The following PPP1R21 variants were observed in gnomAD, a reference collection of about 807,000 sequenced individuals.
The protein encoded by PPP1R21 is KLRAQ motif containing 1.
In PPP1R21, 85 loss-of-function variants were observed where a neutral mutation model predicts 112.8. The ratio of observed to expected loss-of-function variants is 0.75; its 90% CI spans 0.63 to 0.90. The LOEUF (loss-of-function observed/expected upper bound fraction) is 0.90. Among genes scored for constraint, PPP1R21 ranks in the 40% least tolerant of loss-of-function variants. The pLI is 0.00. For missense variants in PPP1R21, 1,199 were observed against 901.5 expected, an observed-to-expected ratio of 1.33 and a Z score of -4.23; for synonymous variants, 381 against 322.3, an observed-to-expected ratio of 1.18 and a Z score of -1.95.
At chr2:48,441,753 G>A (rs150532580) in intron 1 of PPP1R21, among the ~76,000 whole-genome samples, 9 of 152,294 alleles carry the variant, frequency 5.9e-5, no homozygotes, top group African/African-American at 2.2e-4. Flanking sequence ...CAGTTTCTGG[G>A]TAGGGTGTTT....
At chr2:48,487,348 G>C (rs1669347607) in intron 14 of PPP1R21, among the ~76,000 whole-genome samples, 1 of 152,056 alleles carries the variant, frequency 6.6e-6, no homozygotes, top group Non-Finnish European at 1.5e-5. Context: ...ATCTAAACAA[G>C]TACTTTGAAG....
chr2:48,507,852 G>T (rs1468156750), intron 19 of PPP1R21, among the ~76,000 whole-genome samples: 3 of 126,394 alleles, frequency 2.4e-5, no homozygotes, highest in South Asian at 5.6e-4. Context: ...TACAACCTCC[G>T]CCTCCTGGGT....
At position 48,440,876 on chromosome 2, in the gene PPP1R21, G is replaced by A. The variant is rs1666987875; in HGVS notation, c.-78G>A. On this transcript the variant is annotated 5_prime_UTR_variant, in exon 1 of 22. Coordinates refer to ENST00000294952, the MANE Select transcript of PPP1R21 (RefSeq NM_001135629.3). ...GGCAGATACTGCCTGACCCGTTCCC[G>A]GGAGCGTGTCTGGGTTTGGGGGCGG... is the stretch of plus-strand genomic sequence containing the variant. 6.6e-6 allele frequency: 7 copies of A among 1,068,612 alleles called. 1 individual carries two copies. The Admixed American group carries it at 1.3e-4, about 20-fold the overall frequency. The allele number at this position is 1,068,612 out of a possible 1,614,324, so 66.2% of individuals were successfully genotyped here. A position where few individuals can be genotyped will look rare whatever the true frequency, so the allele number is the denominator to read the frequency against.
rs993225497 is a variant in PPP1R21, at chr2:48,503,790, T to G, written c.1936-1774T>G. On this transcript the variant is annotated intron_variant, in intron 17 of 21. Transcript: ENST00000294952. The stretch of plus-strand genomic sequence containing the variant: ...GTGAAACCCCATCTCTACTAAAGAT[T>G]AAAAAAAAAAAAATTAGCTGGGCGT... Among the ~76,000 whole-genome samples, 13 of 143,622 alleles carry G rather than the reference T, an allele frequency of 9.1e-5. 1 individual carries two copies. Among genetic ancestry groups the G allele is most frequent in the African/African-American group, 3.3e-4 (13 of 39,152 alleles). 94.2% of individuals were successfully genotyped at this position (143,622 alleles called of 152,430 possible). A position where few individuals can be genotyped will look rare whatever the true frequency, so the allele number is the denominator to read the frequency against.
rs537944849 is a variant in PPP1R21 at position 48,454,638 on chromosome 2, A to T, written c.170A>T (p.Gln57Leu). The T allele has an allele frequency of 1.2e-6, 2 of 1,614,090 alleles. No individual in the cohort carries two copies. The highest frequency in any genetic ancestry group is 1.7e-6 in the Non-Finnish European group (2 of 1,179,882). Residue 57 changes from glutamine to leucine, a missense_variant, in exon 3 of 22, where the codon CAG becomes CTG. Coordinates refer to ENST00000294952, the MANE Select transcript of PPP1R21 (RefSeq NM_001135629.3). Reference protein sequence around the residue: ...MKDQSLRKLQQEMDSLTFRNL... With the variant: ...MKDQSLRKLQLEMDSLTFRNL... ...GATCAGTCATTGAGAAAACTACAAC[A>T]GGAAATGGACAGTTTGACATTTCGA... is the stretch of plus-strand genomic sequence containing the variant.
Position 48,440,944 on chromosome 2 carries a change from G to C in PPP1R21, c.-10G>C, listed in dbSNP as rs368832372. The stretch of plus-strand genomic sequence containing the variant: ...CTGGGCGGCCTGGCCTGTACGGGGC[G>C]GGGGAGGCCATGGCCTCGGCTGAGT... On this transcript the variant is annotated 5_prime_UTR_variant, in exon 1 of 22. Transcript: ENST00000294952. 279 of 1,604,448 alleles carry C rather than the reference G, an allele frequency of 1.7e-4. No individual in the cohort carries two copies. Among genetic ancestry groups the C allele is most frequent in the Admixed American group, 4.9e-4 (29 of 59,768 alleles).
At chr2:48,496,834 T>A (rs2103628273) in intron 16 of PPP1R21, among the ~76,000 whole-genome samples, 1 of 152,312 alleles carries the variant, frequency 6.6e-6, no homozygotes, top group Admixed American at 6.5e-5. Flanking sequence ...CAGTGCAGTC[T>A]CCATGAAAAG....
intron 9 of PPP1R21, among the ~76,000 whole-genome samples, chr2:48,469,335 C>CAT (rs201153843): frequency 1.1e-3 from 16 of 14,452 alleles, no homozygotes; most frequent in African/African-American, 7.4e-3. Context: ...ATATATAGAG[C>CAT]ATATATATAT....
chr2:48,505,694 G>A, intron 18 of PPP1R21, 98 bp downstream of exon 18: 5 of 1,078,798 alleles, frequency 4.6e-6, no homozygotes, highest in Non-Finnish European at 5.6e-6. Context: ...AATTGTTGTT[G>A]TTGTTTTTTC....
intron 21 of PPP1R21, 89 bp from the exon 22 acceptor site, chr2:48,514,626 T>G: frequency 1.1e-6 from 1 of 947,530 alleles, no homozygotes; most frequent in Non-Finnish European, 1.7e-6. Context: ...CAAAGTGAAA[T>G]ATGGCTTTCA....
Position 48,511,296 on chromosome 2 carries a change from C to T in PPP1R21, c.2185-44C>T, listed in dbSNP as rs138728927. On this transcript the variant is annotated intron_variant, in intron 20 of 21. Transcript: ENST00000294952. Reference sequence around the variant, plus strand: ...GAATTAAAAAAGCTTCAGAGTGGTACGACTCGTGGGATGTTGATTTTTGTC... The same window carrying T: ...GAATTAAAAAAGCTTCAGAGTGGTATGACTCGTGGGATGTTGATTTTTGTC... 9.5e-6 allele frequency: 15 copies of T among 1,577,556 alleles called. No individual in the cohort carries two copies. In the African/African-American group the frequency reaches 1.5e-4, roughly 16 times the overall value.
At chr2:48,442,621 C>T (rs1286217025) in intron 1 of PPP1R21, among the ~76,000 whole-genome samples, 9 of 152,122 alleles carry the variant, frequency 5.9e-5, no homozygotes, top group Admixed American at 4.6e-4. Flanking sequence ...TGATATAGTA[C>T]GACAAGTGTT....
Position 48,459,859 on chromosome 2 carries a change from C to G in PPP1R21, c.481C>G (p.Leu161Val). 1 of 1,614,192 alleles carries G rather than the reference C, an allele frequency of 6.2e-7. No homozygotes were observed. Among genetic ancestry groups the G allele is most frequent in the Non-Finnish European group, 8.5e-7 (1 of 1,180,042 alleles). ...CCAGCACCAAGCTGTGGTTGACGGT[C>G]TCACCCGGAAGTACATGGAAACCAT... ...AAQHQAVVDG[L>V]TRKYMETIEK... The change falls in exon 5 of 22, where the codon CTC (leucine) becomes GTC (valine). Residue 161 changes from leucine (L) to valine (V), a missense_variant. Transcript: ENST00000294952.
At chr2:48,488,195 A>T (rs997308103) in intron 14 of PPP1R21, among the ~76,000 whole-genome samples, 43 of 152,122 alleles carry the variant, frequency 2.8e-4, no homozygotes, top group African/African-American at 1.0e-3. Flanking sequence ...GTCAGCTTAC[A>T]GATCTATGTG....
chr2:48,471,502 T>A, intron 11 of PPP1R21, 135 bp downstream of exon 11: 1 of 850,306 alleles, frequency 1.2e-6, no homozygotes, highest in Non-Finnish European at 1.8e-6. Flanking sequence ...TGGACTTCCG[T>A]GAAAAAGGAA....
chr2:48,460,950 C>T (rs1289754778), intron 6 of PPP1R21, among the ~76,000 whole-genome samples, 188 bp from the exon 7 acceptor site: 1 of 152,098 alleles, frequency 6.6e-6, no homozygotes, highest in African/African-American at 2.4e-5. Flanking sequence ...TCCAGAAGTC[C>T]CTGGGACTTG....
chr2:48,489,331 C>T (rs567361513), intron 14 of PPP1R21, among the ~76,000 whole-genome samples: 1 of 148,544 alleles, frequency 6.7e-6, no homozygotes, highest in East Asian at 2.1e-4. Flanking sequence ...GGCAAGACCT[C>T]ATCTCTACAA....
intron 15 of PPP1R21, among the ~76,000 whole-genome samples, chr2:48,493,821 G>C (rs1176070951): frequency 1.3e-5 from 2 of 151,908 alleles, no homozygotes; most frequent in Admixed American, 1.3e-4. Flanking sequence ...ATTTTATTCT[G>C]TTCTTCATCT....
chr2:48,505,673 C>T, intron 18 of PPP1R21, 77 bp downstream of exon 18: 1 of 1,203,242 alleles, frequency 8.3e-7, no homozygotes, highest in South Asian at 1.3e-5. Flanking sequence ...CTGCAAAAGC[C>T]ATCTTTGTCT....
Sources: allele counts gnomAD v4.1 joint callset (sites outside exome capture counted in the v4.1 genomes callset), GRCh38; gene constraint gnomAD v4.1.1; transcripts MANE v1.5; gene names NCBI Gene and HGNC (gene_info 2026-07-23, HGNC 2026-07-21).